Variants in ALG8 observed in about 807,000 individuals in gnomAD.
ALG8 encodes ALG8 alpha-1,3-glucosyltransferase.
ALG8 carries 48 observed loss-of-function variants against 70.2 expected under a neutral mutation model. The observed-to-expected ratio is 0.68, with a 90% confidence interval of 0.54 to 0.87. ALG8 has a LOEUF of 0.87. ALG8 is among the 40% of genes least tolerant of loss of function. The pLI, the probability that ALG8 is intolerant of heterozygous loss-of-function variation, is 0.00. For missense variants in ALG8, 572 were observed against 608.7 expected (o/e 0.94, Z 0.64); for synonymous variants, 234 against 229.0 (o/e 1.02, Z -0.20).
In ALG8 at chr11:78,101,191, C is replaced by G; in HGVS notation, c.1354G>C (p.Glu452Gln). Reference protein sequence around the residue: ...ISSLKTLFRKEKPLFNWMETF... With the variant: ...ISSLKTLFRKQKPLFNWMETF... ...TCCATCCAATTAAAAAGAGGTTTTT[C>G]TTTTCTGAAGGAAAAAAGAGAGAAA... Residue 452 changes from glutamate (E) to glutamine (Q), a missense_variant, in exon 13 of 13, where the codon GAA (glutamate) becomes CAA (glutamine). Physicochemically the swap from Glu to Gln is conservative, Grantham distance 29 (BLOSUM62 2). Transcript: ENST00000299626. 1 of 1,613,556 alleles carries G rather than the reference C, an allele frequency of 6.2e-7. No homozygotes were observed. Among genetic ancestry groups the G allele is most frequent in the African/African-American group, 1.3e-5 (1 of 75,044 alleles).
rs369930977 is a variant in ALG8, at chr11:78,119,194, T to G, written c.534A>C (p.Ala178=). Residue 178 remains alanine (A), a synonymous_variant, in exon 5 of 13, where the codon GCA becomes GCC. Transcript: ENST00000299626. ...CAATTATGTTTACCTGAAATAATCG[T>G]GCAATGGAGAGTAGCATTAATCCAA... ...FLFGLMLLSI[A]RLFQKRHMEG... The G allele has an allele frequency of 6.2e-7, 1 of 1,608,474 alleles. No individual in the cohort carries two copies. The highest frequency in any genetic ancestry group is 8.5e-7 in the Non-Finnish European group (1 of 1,175,100).
rs1390704908 is a variant in ALG8 at position 78,139,502 on chromosome 11, G to T, written c.87C>A (p.Ile29=). The change falls in exon 1 of 13, where the codon ATC becomes ATA. Residue 29 remains isoleucine, a synonymous_variant. Transcript: ENST00000299626. ...LGVTLLKCLL[I]PTYHSTDFEV... ...CCGTGCGAGTCCCTTACTATGTGGG[G>T]ATGAGAAGGCATTTGAGAAGAGTCA... 1 of 1,559,036 alleles carries T rather than the reference G, an allele frequency of 6.4e-7. No individual in the cohort carries two copies.
rs1322707059 is a variant in ALG8, at chr11:78,127,358, C to T, written c.174G>A (p.Glu58=). The T allele has an allele frequency of 6.2e-7, 1 of 1,609,020 alleles. No individual in the cohort carries two copies. Among genetic ancestry groups the T allele is most frequent in the Non-Finnish European group, 8.5e-7 (1 of 1,176,664 alleles). ...AAAAAAGGTGAAAATTAAAACTTACCTCATAATACCACTGTGATATTGGCA... is the reference window on the plus strand; with the variant it reads ...AAAAAAGGTGAAAATTAAAACTTACTTCATAATACCACTGTGATATTGGCA... ...HSLPISQWYY[E]ATSEWTLDYP... Residue 58 remains glutamate (E), a splice_region_variant and synonymous_variant, in exon 2 of 13, where the codon GAG becomes GAA. Coordinates refer to ENST00000299626, the MANE Select transcript of ALG8 (RefSeq NM_024079.5).
Position 78,104,346 on chromosome 11 carries a change from C to T in ALG8, c.1276+10G>A, listed in dbSNP as rs531081999. 1.4e-4 allele frequency: 215 copies of T among 1,568,154 alleles called. 1 individual carries two copies. In the South Asian group the frequency reaches 2.2e-3, roughly 16 times the overall value. ...AGTCAAATATATTTTTCTCAGAAGACGCTGTTTACCTGGTGCAGTGAAGAG... is the reference window on the plus strand; with the variant it reads ...AGTCAAATATATTTTTCTCAGAAGATGCTGTTTACCTGGTGCAGTGAAGAG... On this transcript the variant is annotated intron_variant, in intron 11 of 12. Transcript: ENST00000299626.
At chr11:78,102,416 C>T (rs1859835660) in intron 12 of ALG8, among the ~76,000 whole-genome samples, 1 of 152,060 alleles carries the variant, frequency 6.6e-6, no homozygotes, top group African/African-American at 2.4e-5. Flanking sequence ...CTGAATAATC[C>T]ACTATATGTA....
intron 8 of ALG8, among the ~76,000 whole-genome samples, chr11:78,110,246 G>A (rs896677780): frequency 8.5e-5 from 13 of 152,088 alleles, no homozygotes; most frequent in African/African-American, 2.6e-4. Flanking sequence ...ATGCAGTGGC[G>A]CAATCTCAGC....
chr11:78,126,657 C>A (rs948810516), intron 2 of ALG8, among the ~76,000 whole-genome samples: 10 of 152,078 alleles, frequency 6.6e-5, no homozygotes, highest in Admixed American at 2.0e-4. Flanking sequence ...CCTTTCCTCA[C>A]AAAATCACAA....
chr11:78,117,479 G>A (rs543120432), intron 5 of ALG8, among the ~76,000 whole-genome samples: 1 of 152,070 alleles, frequency 6.6e-6, no homozygotes, highest in Non-Finnish European at 1.5e-5. Flanking sequence ...GCAGAGGTAG[G>A]AGGATTGTTC....
chr11:78,113,423 C>T (rs1860393442), intron 7 of ALG8, among the ~76,000 whole-genome samples: 1 of 151,910 alleles, frequency 6.6e-6, no homozygotes, highest in Non-Finnish European at 1.5e-5. Flanking sequence ...AAGAATACTA[C>T]CTTATCGGGC....
intron 1 of ALG8, among the ~76,000 whole-genome samples, chr11:78,138,366 TAACA>T (rs1431876355): frequency 1.5e-5 from 2 of 133,372 alleles, no homozygotes; most frequent in Non-Finnish European, 3.2e-5. Context: ...AAAAAAAAAA[TAACA>T]AACAAAAAAA....
Position 78,110,245 on chromosome 11 carries a change from C to T in ALG8, c.899-664G>A, listed in dbSNP as rs374732026. Among the ~76,000 whole-genome samples, 23 of 152,126 alleles carry T rather than the reference C, an allele frequency of 1.5e-4. No homozygotes were observed. The East Asian group carries it at 1.7e-3, about 12-fold the overall frequency. On this transcript the variant is annotated intron_variant, in intron 8 of 12. Transcript: ENST00000299626. ...AGAGACAGAGGCTGGAATGCAGTGGCGCAATCTCAGCTCACTGCAGCCTCT... is the reference window on the plus strand; with the variant it reads ...AGAGACAGAGGCTGGAATGCAGTGGTGCAATCTCAGCTCACTGCAGCCTCT...
chr11:78,104,937 C>T (rs1859949958), intron 10 of ALG8, among the ~76,000 whole-genome samples: 1 of 150,906 alleles, frequency 6.6e-6, no homozygotes, highest in Admixed American at 6.6e-5. Context: ...GCACTCCAGC[C>T]TGGGCAACAG....
At chr11:78,139,398 T>C (rs1861697362) in intron 1 of ALG8, 96 bp downstream of exon 1, 2 of 1,246,392 alleles carry the variant, frequency 1.6e-6, no homozygotes, top group African/African-American at 3.0e-5. Flanking sequence ...GACCTAAAGT[T>C]TTCTCTTCAT....
chr11:78,114,757 G>T, intron 5 of ALG8: 1 of 439,832 alleles, frequency 2.3e-6, no homozygotes, highest in Non-Finnish European at 4.5e-6. Flanking sequence ...CTTGACCCCA[G>T]GAGTTCAAGA....
At position 78,123,315 on chromosome 11, in the gene ALG8, G is replaced by GAAAAAAAAAAAAAAAAA. The variant is rs1220218900; in HGVS notation, c.368+689_368+705dup. 1.3e-3 allele frequency among the ~76,000 whole-genome samples: 119 copies of GAAAAAAAAAAAAAAAAA among 88,372 alleles called. 1 individual carries two copies. Among genetic ancestry groups the GAAAAAAAAAAAAAAAAA allele is most frequent in the Non-Finnish European group, 1.8e-3 (93 of 50,926 alleles). The allele number at this position is 88,372 out of a possible 152,430, so 58.0% of individuals were successfully genotyped here. On this transcript the variant is annotated intron_variant, in intron 3 of 12. Transcript: ENST00000299626. ...AAGATTCCATCTCAGGGAAAAAAAA[G>GAAAAAAAAAAAAAAAAA]AAAAAAAAAAAAAAAAAAAAAGAAA...
rs1859777194 is a variant in ALG8 at position 78,101,124 on chromosome 11, C to A, written c.1421G>T (p.Cys474Phe). 2 of 1,614,216 alleles carry A rather than the reference C, an allele frequency of 1.2e-6. No homozygotes were observed. The highest frequency in any genetic ancestry group is 1.6e-4 in the Middle Eastern group (1 of 6,062). ...GGAGGTGAAAGGGAATACAAATTCA[C>A]AGCAGACTTCCAGAGGCCCCAGGCC... ...LLGLGPLEVC[C>F]EFVFPFTSWK... is the part of the protein sequence containing the mutation. The change falls in exon 13 of 13, where the codon TGT (cysteine) becomes TTT (phenylalanine). Residue 474 changes from cysteine to phenylalanine, a missense_variant. Transcript: ENST00000299626.
intron 4 of ALG8, among the ~76,000 whole-genome samples, chr11:78,120,131 T>C (rs544045966): frequency 6.6e-5 from 10 of 151,974 alleles, no homozygotes; most frequent in Non-Finnish European, 1.3e-4. Flanking sequence ...GAAAGAAACT[T>C]ATGTTTAATG....
chr11:78,113,861 GAAAA>G (rs111652232), intron 7 of ALG8, 21 bp downstream of exon 7: 152 of 1,240,390 alleles, frequency 1.2e-4, no homozygotes, highest in Admixed American at 3.8e-4. Context: ...TGTATTAATT[GAAAA>G]AAAAAAAAAA....
intron 5 of ALG8, among the ~76,000 whole-genome samples, chr11:78,116,929 A>G (rs1860600307): frequency 6.6e-6 from 1 of 152,192 alleles, no homozygotes; most frequent in Admixed American, 6.5e-5. Flanking sequence ...CTTCAATTTT[A>G]TAACTTATTT....
Sources: allele counts gnomAD v4.1 joint callset (sites outside exome capture counted in the v4.1 genomes callset), GRCh38; gene constraint gnomAD v4.1.1; transcripts MANE v1.5; gene names NCBI Gene and HGNC (gene_info 2026-07-23, HGNC 2026-07-21).